The following KLF12 variants were observed in gnomAD, a reference collection of about 807,000 sequenced individuals.
KLF12 encodes the protein Krueppel-like factor 12.
A neutral mutation model predicts 37.8 loss-of-function variants in KLF12; 9 were observed. The ratio of observed to expected loss-of-function variants is 0.24; its 90% CI spans 0.14 to 0.42. The LOEUF (loss-of-function observed/expected upper bound fraction) is 0.42, where lower values mean the gene tolerates loss of function less well. Ranked by LOEUF, KLF12 falls within the 10% of genes least tolerant of loss-of-function variation. The pLI is 1.00. For synonymous variants in KLF12, 208 were observed against 202.1 expected (o/e 1.03, Z -0.25); for missense variants, 411 against 516.0 (o/e 0.80, Z 1.97).
At chr13:74,019,379 A>T (rs1892782676) in intron 1 of KLF12, among the ~76,000 whole-genome samples, 1 of 152,236 alleles carries the variant, frequency 6.6e-6, no homozygotes, top group Non-Finnish European at 1.5e-5. Flanking sequence ...ATTGAATGTA[A>T]TTCCATTTCA....
chr13:74,219,337 C>T, the KLF12 span, among the ~76,000 whole-genome samples: 1 of 152,152 alleles, frequency 6.6e-6, no homozygotes, highest in South Asian at 2.1e-4. Flanking sequence ...CTTTTTTCTA[C>T]TTATTGTAAT....
At chr13:73,989,545 C>A (rs996644325) in intron 2 of KLF12, among the ~76,000 whole-genome samples, 4 of 152,112 alleles carry the variant, frequency 2.6e-5, no homozygotes, top group East Asian at 3.9e-4. Flanking sequence ...AAGACAGGAG[C>A]CCTTCACTTA....
chr13:73,834,761 C>T (rs1884340886), intron 4 of KLF12, among the ~76,000 whole-genome samples: 1 of 152,236 alleles, frequency 6.6e-6, no homozygotes, highest in African/African-American at 2.4e-5. Context: ...ATCCACCCGC[C>T]ACAGCCTCCC....
chr13:74,223,519 C>T, the KLF12 span, among the ~76,000 whole-genome samples: 1 of 152,194 alleles, frequency 6.6e-6, no homozygotes, highest in Admixed American at 6.5e-5. Flanking sequence ...GGATACTCTG[C>T]TACATTCAGG....
Position 73,712,828 on chromosome 13 carries a change from G to A in KLF12, c.1027+2540C>T, listed in dbSNP as rs187143140. Among the ~76,000 whole-genome samples, 137 of 152,348 alleles carry A rather than the reference G, an allele frequency of 9.0e-4. 1 individual carries two copies. Among genetic ancestry groups the A allele is most frequent in the African/African-American group, 2.9e-3 (122 of 41,576 alleles). The stretch of plus-strand genomic sequence containing the variant: ...CTCAGATGACTGTTAGTACTTGTGA[G>A]CAATGAAGTGCTTTTTAATTATGTA... On this transcript the variant is annotated intron_variant, in intron 7 of 7. Coordinates refer to ENST00000377669, the MANE Select transcript of KLF12 (RefSeq NM_007249.5).
intron 1 of KLF12, among the ~76,000 whole-genome samples, chr13:74,108,829 G>T (rs1044096667): frequency 2.6e-5 from 4 of 152,142 alleles, no homozygotes; most frequent in African/African-American, 9.7e-5. Context: ...AGGAGGGGGA[G>T]GAGGAAGAAG....
the KLF12 span, among the ~76,000 whole-genome samples, chr13:74,227,323 C>T: frequency 2.0e-5 from 3 of 152,130 alleles, no homozygotes; most frequent in African/African-American, 7.2e-5. Context: ...CACATTTTGC[C>T]TTCAATGAGT....
intron 5 of KLF12, among the ~76,000 whole-genome samples, chr13:73,782,932 T>C (rs766385409): frequency 1.2e-4 from 19 of 152,176 alleles, no homozygotes; most frequent in Non-Finnish European, 2.1e-4. Context: ...GGCAGTTGGA[T>C]TGATTTAGCG....
the KLF12 span, among the ~76,000 whole-genome samples, chr13:74,269,176 G>T: frequency 0.032 from 4,924 of 152,242 alleles, 119 homozygotes; most frequent in Middle Eastern, 0.072. Flanking sequence ...TTTTGTGCCG[G>T]CTGATGGCAA....
At chr13:73,976,361 C>T (rs992741780) in intron 2 of KLF12, among the ~76,000 whole-genome samples, 2 of 152,254 alleles carry the variant, frequency 1.3e-5, no homozygotes, top group Admixed American at 6.5e-5. Context: ...GAACCGGTTG[C>T]TCAAGATAGA....
intron 1 of KLF12, among the ~76,000 whole-genome samples, chr13:74,051,425 C>T (rs192383277): frequency 1.4e-4 from 21 of 151,256 alleles, no homozygotes; most frequent in Admixed American, 7.2e-4. Flanking sequence ...CATTTAGGGA[C>T]ATATTTCAGG....
At chr13:74,137,543 T>C (rs1053140247), upstream of KLF12, among the ~76,000 whole-genome samples, 1 of 152,112 alleles carries the variant, frequency 6.6e-6, no homozygotes. Flanking sequence ...ACCTAACACA[T>C]TGTCCAGAAA....
In KLF12 at chr13:73,949,293, G is replaced by A. The variant is rs921499511; in HGVS notation, c.34-5223C>T. ...TTGAAGGTCCCAACAGAGACATTGT[G>A]GAATCTCAGTAACAGCTCCTCCCTG... On this transcript the variant is annotated intron_variant, in intron 2 of 7. Coordinates refer to ENST00000377669, the MANE Select transcript of KLF12 (RefSeq NM_007249.5). Among the ~76,000 whole-genome samples, 3 of 152,252 alleles carry A rather than the reference G, an allele frequency of 2.0e-5. No individual in the cohort carries two copies. The South Asian group carries it at 6.2e-4, about 32-fold the overall frequency.
At chr13:73,916,232 C>CAG (rs1262199595) in intron 3 of KLF12, among the ~76,000 whole-genome samples, 1 of 73,044 alleles carries the variant, frequency 1.4e-5, no homozygotes, top group East Asian at 6.1e-4. Flanking sequence ...CACACACACA[C>CAG]ACACACACGC....
chr13:73,899,450 A>C (rs1481637624), intron 3 of KLF12, among the ~76,000 whole-genome samples: 1 of 152,148 alleles, frequency 6.6e-6, no homozygotes, highest in Non-Finnish European at 1.5e-5. Flanking sequence ...AACAGAATAT[A>C]TATTCCCTCC....
intron 2 of KLF12, among the ~76,000 whole-genome samples, chr13:73,969,772 C>G (rs1476890769): frequency 2.0e-5 from 3 of 152,184 alleles, no homozygotes; most frequent in African/African-American, 7.2e-5. Context: ...ACTTTCACAG[C>G]TCTCACTTAA....
At chr13:73,923,268 AATACAATGCTGCCT>A (rs1251821143) in intron 3 of KLF12, among the ~76,000 whole-genome samples, 1 of 152,180 alleles carries the variant, frequency 6.6e-6, no homozygotes, top group African/African-American at 2.4e-5. Context: ...GGAACTTGGA[AATACAATGCTGCCT>A]ATGACAATGG....
the KLF12 span, among the ~76,000 whole-genome samples, chr13:74,290,634 C>T: frequency 4.6e-5 from 7 of 152,282 alleles, no homozygotes; most frequent in African/African-American, 9.6e-5. Flanking sequence ...CAATGTGTTC[C>T]GTGAATCTCA....
Position 74,118,549 on chromosome 13 carries a change from T to C in KLF12, c.-32+15190A>G, listed in dbSNP as rs915829422. On this transcript the variant is annotated intron_variant, in intron 1 of 7. Transcript: ENST00000377669. ...TTATGTTAATCTATTTCCTGGTAGATAAGAGAATGAAGGACAAAGTGGCTG... is the reference window on the plus strand; with the variant it reads ...TTATGTTAATCTATTTCCTGGTAGACAAGAGAATGAAGGACAAAGTGGCTG... 8.9e-4 allele frequency among the ~76,000 whole-genome samples: 136 copies of C among 152,314 alleles called. 1 individual carries two copies. Among genetic ancestry groups the C allele is most frequent in the Admixed American group, 8.8e-3 (135 of 15,306 alleles).
Sources: allele counts gnomAD v4.1 joint callset (sites outside exome capture counted in the v4.1 genomes callset), GRCh38; gene constraint gnomAD v4.1.1; transcripts MANE v1.5; gene names NCBI Gene and HGNC (gene_info 2026-07-23, HGNC 2026-07-21).